FHIP1A: variants seen among roughly 807,000 people sequenced by gnomAD.
FHIP1A encodes FHF complex subunit HOOK-interacting protein 1A.
FHIP1A carries 61 observed loss-of-function variants against 88.6 expected under a neutral mutation model. The ratio of observed to expected loss-of-function variants is 0.69; its 90% CI spans 0.56 to 0.85. The LOEUF (loss-of-function observed/expected upper bound fraction) is 0.85. FHIP1A is among the 40% of genes least tolerant of loss of function. FHIP1A has a pLI of 0.00. For missense variants in FHIP1A, 1,154 were observed against 1,273.5 expected (o/e 0.91, Z 1.43); for synonymous variants, 478 against 496.0 (o/e 0.96, Z 0.48).
chr4:151,500,381 CATAG>C (rs1245674214), intron 3 of FHIP1A, among the ~76,000 whole-genome samples: 2 of 141,272 alleles, frequency 1.4e-5, no homozygotes, highest in Admixed American at 1.5e-4. Flanking sequence ...TTATTAATTT[CATAG>C]ATAAAGAGAA....
chr4:151,469,027 G>T, intron 2 of FHIP1A, among the ~76,000 whole-genome samples: 1 of 152,138 alleles, frequency 6.6e-6, no homozygotes. Flanking sequence ...TGAATATGTG[G>T]TTATACTTTT....
At chr4:151,567,256 T>C (rs539859359) in intron 4 of FHIP1A, among the ~76,000 whole-genome samples, 11 of 152,210 alleles carry the variant, frequency 7.2e-5, no homozygotes, top group South Asian at 6.2e-4. Flanking sequence ...AAGTGGCTAT[T>C]TATGTGACAG....
At chr4:151,448,210 C>T (rs554459548) in intron 1 of FHIP1A, among the ~76,000 whole-genome samples, 4 of 152,216 alleles carry the variant, frequency 2.6e-5, no homozygotes, top group Non-Finnish European at 4.4e-5. Context: ...TGAACCTCTG[C>T]ACCTGGCCTA....
intron 3 of FHIP1A, among the ~76,000 whole-genome samples, chr4:151,492,919 A>G (rs1730336569): frequency 6.6e-6 from 1 of 152,218 alleles, no homozygotes; most frequent in Non-Finnish European, 1.5e-5. Context: ...GGTCACTTCA[A>G]GGACCTGGAG....
intron 13 of FHIP1A, among the ~76,000 whole-genome samples, chr4:151,657,631 G>A (rs1220383897): frequency 6.6e-6 from 1 of 152,212 alleles, no homozygotes; most frequent in Non-Finnish European, 1.5e-5. Flanking sequence ...GGCCTTGGTA[G>A]GAGCAAAGCA....
intron 2 of FHIP1A, among the ~76,000 whole-genome samples, chr4:151,464,749 CAG>C (rs1447169803): frequency 1.3e-5 from 2 of 152,166 alleles, no homozygotes; most frequent in Non-Finnish European, 2.9e-5. Context: ...ACCTGAGTGA[CAG>C]AGTGGTACTC....
intron 3 of FHIP1A, among the ~76,000 whole-genome samples, chr4:151,522,783 C>T (rs28521227): frequency 0.028 from 4,308 of 152,248 alleles, 205 homozygotes; most frequent in African/African-American, 0.099. Context: ...ATTCTTTCTT[C>T]CTTTTTTCAC....
intron 8 of FHIP1A, among the ~76,000 whole-genome samples, chr4:151,636,334 TG>T (rs1736351071): frequency 6.6e-6 from 1 of 152,058 alleles, no homozygotes; most frequent in African/African-American, 2.4e-5. Flanking sequence ...TAGTGAAGAA[TG>T]TTTTTCACTA....
At chr4:151,478,553 C>T (rs562326000) in intron 2 of FHIP1A, among the ~76,000 whole-genome samples, 11 of 152,074 alleles carry the variant, frequency 7.2e-5, no homozygotes, top group South Asian at 2.1e-4. Context: ...CCAAGAATGC[C>T]GTATATACTT....
intron 3 of FHIP1A, among the ~76,000 whole-genome samples, chr4:151,564,684 A>G (rs1200374782): frequency 6.6e-6 from 1 of 152,234 alleles, no homozygotes; most frequent in Non-Finnish European, 1.5e-5. Flanking sequence ...ATACAGCTGT[A>G]GAAGAAACAC....
At chr4:151,661,057 G>A (rs536039175) in intron 13 of FHIP1A, among the ~76,000 whole-genome samples, 1 of 152,304 alleles carries the variant, frequency 6.6e-6, no homozygotes, top group East Asian at 1.9e-4. Flanking sequence ...ATGGGGCAGG[G>A]AATTCCAGGT....
intron 2 of FHIP1A, among the ~76,000 whole-genome samples, chr4:151,457,769 G>A (rs1729016971): frequency 6.6e-6 from 1 of 151,804 alleles, no homozygotes; most frequent in African/African-American, 2.4e-5. Context: ...GGAGGGGTGG[G>A]GATCACAAAC....
chr4:151,437,475 C>G (rs879444834), intron 1 of FHIP1A, among the ~76,000 whole-genome samples: 2 of 152,074 alleles, frequency 1.3e-5, no homozygotes, highest in African/African-American at 2.4e-5. Context: ...AAAATCACCT[C>G]TCTTCTTTCA....
intron 3 of FHIP1A, among the ~76,000 whole-genome samples, chr4:151,550,246 A>G (rs1393929905): frequency 2.0e-5 from 3 of 152,126 alleles, no homozygotes; most frequent in African/African-American, 4.8e-5. Flanking sequence ...AAACTATCCA[A>G]TTGTACTCTG....
At chr4:151,633,911 T>A (rs1322605435) in intron 8 of FHIP1A, among the ~76,000 whole-genome samples, 2 of 151,844 alleles carry the variant, frequency 1.3e-5, no homozygotes, top group African/African-American at 4.8e-5. Flanking sequence ...GGATGCCCAC[T>A]TAGAGGTCCT....
Position 151,544,324 on chromosome 4 carries a change from A to T in FHIP1A, c.-122-21814A>T, listed in dbSNP as rs187976586. Reference sequence around the variant, plus strand: ...CATTGTTTTTCACTTACCTTAACCCATTGACCCCGATCTGGCTTCACTTAC... The same window carrying T: ...CATTGTTTTTCACTTACCTTAACCCTTTGACCCCGATCTGGCTTCACTTAC... On this transcript the variant is annotated intron_variant, in intron 3 of 13. Coordinates refer to ENST00000435205, the MANE Select transcript of FHIP1A (RefSeq NM_001109977.3). Among the ~76,000 whole-genome samples, 193 of 152,268 alleles carry T rather than the reference A, an allele frequency of 1.3e-3. 1 individual carries two copies. The highest frequency in any genetic ancestry group is 1.3e-3 in the Non-Finnish European group (91 of 68,020).
intron 7 of FHIP1A, among the ~76,000 whole-genome samples, chr4:151,597,532 T>C (rs968016442): frequency 1.3e-5 from 2 of 152,184 alleles, no homozygotes; most frequent in African/African-American, 2.4e-5. Context: ...GGAGGCAGTC[T>C]GTCCCTTGGC....
chr4:151,424,614 G>C (rs1733296099), intron 1 of FHIP1A, among the ~76,000 whole-genome samples: 2 of 152,036 alleles, frequency 1.3e-5, no homozygotes, highest in South Asian at 4.1e-4. Flanking sequence ...TAGTCATATT[G>C]GATCTTTTAA....
intron 1 of FHIP1A, among the ~76,000 whole-genome samples, chr4:151,410,483 C>G (rs781632936): frequency 6.6e-6 from 1 of 152,220 alleles, no homozygotes; most frequent in Admixed American, 6.5e-5. Context: ...CATAGCAGCC[C>G]TGATGAAATT....
Sources: gnomAD v4.1 joint callset for allele counts (sites outside exome capture counted in the v4.1 genomes callset) on GRCh38, gnomAD v4.1.1 for gene constraint, MANE v1.5 for transcripts, NCBI Gene and HGNC (gene_info 2026-07-23, HGNC 2026-07-21) for gene names.